The following SNX29 variants were observed in gnomAD, a reference collection of about 807,000 sequenced individuals.
The protein encoded by SNX29 is sorting nexin-29.
SNX29 carries 78 observed loss-of-function variants against 102.1 expected under a neutral mutation model. That is an observed-to-expected ratio of 0.76 (90% CI 0.64 to 0.92). SNX29 has a LOEUF of 0.92. SNX29 is among the 40% of genes least tolerant of loss of function. The pLI, the probability that SNX29 is intolerant of heterozygous loss-of-function variation, is 0.00. For synonymous variants in SNX29, 580 were observed against 414.5 expected (o/e 1.40, Z -4.85); for missense variants, 1,280 against 1,061.7 (o/e 1.21, Z -2.86).
intron 17 of SNX29, among the ~76,000 whole-genome samples, chr16:12,400,381 C>T (rs1354739490): frequency 2.0e-5 from 3 of 152,230 alleles, no homozygotes; most frequent in Non-Finnish European, 4.4e-5. Context: ...GGACACTGTT[C>T]TAACTCACTC....
intron 3 of SNX29, among the ~76,000 whole-genome samples, chr16:12,009,727 C>T (rs186709971): frequency 2.6e-5 from 4 of 152,198 alleles, no homozygotes; most frequent in Admixed American, 2.6e-4. Context: ...AAGACTCGTT[C>T]TTATGGTTCA....
chr16:12,294,585 A>G (rs750496292), intron 15 of SNX29, among the ~76,000 whole-genome samples: 1 of 152,128 alleles, frequency 6.6e-6, no homozygotes, highest in African/African-American at 2.4e-5. Context: ...TGCCGCCATC[A>G]TGGTTCCCTG....
chr16:12,485,241 C>T (rs181421785), intron 19 of SNX29, among the ~76,000 whole-genome samples: 2 of 152,232 alleles, frequency 1.3e-5, no homozygotes, highest in East Asian at 3.9e-4. Flanking sequence ...AGGGAGTTGA[C>T]CGGTGAGCTG....
chr16:12,427,293 A>G (rs1423996519), intron 18 of SNX29, among the ~76,000 whole-genome samples: 4 of 151,576 alleles, frequency 2.6e-5, no homozygotes, highest in African/African-American at 7.3e-5. Context: ...TTTTGTGATG[A>G]AAATCTTGAT....
intron 7 of SNX29, among the ~76,000 whole-genome samples, chr16:12,049,586 G>A (rs1596695084): frequency 6.6e-6 from 1 of 152,052 alleles, no homozygotes; most frequent in Admixed American, 6.6e-5. Flanking sequence ...GCCCGCCCTG[G>A]CCTCTCAAAG....
chr16:12,527,186 C>T (rs1000613374), intron 20 of SNX29: 19 of 532,262 alleles, frequency 3.6e-5, no homozygotes, highest in African/African-American at 5.6e-5. Flanking sequence ...GATTACAGGT[C>T]GGAATGTACG....
chr16:12,317,067 G>C (rs2080768745), intron 15 of SNX29, among the ~76,000 whole-genome samples: 1 of 152,248 alleles, frequency 6.6e-6, no homozygotes, highest in African/African-American at 2.4e-5. Flanking sequence ...TACCTGCCCA[G>C]GTGAGAGGAA....
At chr16:12,177,286 G>A (rs940138199) in intron 13 of SNX29, among the ~76,000 whole-genome samples, 3 of 152,102 alleles carry the variant, frequency 2.0e-5, no homozygotes, top group East Asian at 3.8e-4. Flanking sequence ...CTTCTGTGTC[G>A]GTGTGTCTAG....
intron 11 of SNX29, among the ~76,000 whole-genome samples, chr16:12,110,032 G>T (rs1030826052): frequency 1.3e-5 from 2 of 152,058 alleles, no homozygotes; most frequent in Non-Finnish European, 1.5e-5. Flanking sequence ...CCCGGCCCTC[G>T]TCTTTAAAAT....
At chr16:11,990,368 G>C (rs1377397023) in intron 1 of SNX29, among the ~76,000 whole-genome samples, 3 of 152,144 alleles carry the variant, frequency 2.0e-5, no homozygotes, top group Admixed American at 1.3e-4. Flanking sequence ...CTTGAGAGGG[G>C]CACCTGCTCT....
chr16:12,559,748 A>C (rs914555456), intron 20 of SNX29, among the ~76,000 whole-genome samples: 3 of 152,160 alleles, frequency 2.0e-5, no homozygotes, highest in African/African-American at 7.2e-5. Context: ...AGTGATGCCC[A>C]GCCTGACAGC....
At chr16:12,243,964 A>G (rs113342888) in intron 14 of SNX29, among the ~76,000 whole-genome samples, 3,919 of 152,258 alleles carry the variant, frequency 0.026, 114 homozygotes, top group African/African-American at 0.07. Context: ...TCACCAATAA[A>G]ATTACTCTAC....
chr16:12,195,522 A>G (rs1005977907), intron 13 of SNX29, among the ~76,000 whole-genome samples: 19 of 152,324 alleles, frequency 1.2e-4, no homozygotes, highest in African/African-American at 3.8e-4. Context: ...CTTGAGCTCC[A>G]TAACTCGAGG....
intron 13 of SNX29, among the ~76,000 whole-genome samples, chr16:12,167,551 C>G (rs2076045283): frequency 6.6e-6 from 1 of 152,180 alleles, no homozygotes; most frequent in Non-Finnish European, 1.5e-5. Flanking sequence ...TTGGGAGGTG[C>G]AATCATTGAT....
chr16:12,218,080 A>G (rs1258100902), intron 14 of SNX29, among the ~76,000 whole-genome samples: 10 of 132,484 alleles, frequency 7.5e-5, no homozygotes, highest in Admixed American at 2.3e-4. Flanking sequence ...GGAAGGCTCT[A>G]TTATTTGCAA....
chr16:12,415,306 G>A (rs1025189041), intron 18 of SNX29, among the ~76,000 whole-genome samples: 5 of 152,230 alleles, frequency 3.3e-5, no homozygotes, highest in African/African-American at 1.2e-4. Flanking sequence ...TAATGGCTGA[G>A]ACAGCCTTGC....
intron 20 of SNX29, among the ~76,000 whole-genome samples, chr16:12,550,113 G>C (rs2077875630): frequency 6.6e-6 from 1 of 152,204 alleles, no homozygotes; most frequent in Non-Finnish European, 1.5e-5. Context: ...TACTGAGGCT[G>C]ATGTACACTC....
intron 13 of SNX29, among the ~76,000 whole-genome samples, chr16:12,150,334 A>G (rs1348112358): frequency 6.6e-6 from 1 of 152,174 alleles, no homozygotes; most frequent in Non-Finnish European, 1.5e-5. Context: ...CATGATAAGT[A>G]TGATTCCAGT....
chr16:12,489,077 C>G (rs1405046619), intron 19 of SNX29, among the ~76,000 whole-genome samples: 1 of 152,176 alleles, frequency 6.6e-6, no homozygotes, highest in East Asian at 1.9e-4. Flanking sequence ...ATTCTATCTG[C>G]TTTTGTTCCT....
Sources: gnomAD v4.1 joint callset for allele counts (sites outside exome capture counted in the v4.1 genomes callset) on GRCh38, gnomAD v4.1.1 for gene constraint, MANE v1.5 for transcripts, NCBI Gene and HGNC (gene_info 2026-07-23, HGNC 2026-07-21) for gene names.